NLGN1: variants seen among roughly 807,000 people sequenced by gnomAD.
The protein encoded by NLGN1 is neuroligin 1.
A neutral mutation model predicts 65.5 loss-of-function variants in NLGN1; 12 were observed. That is an observed-to-expected ratio of 0.18 (90% CI 0.12 to 0.30). The LOEUF is 0.30. NLGN1 is among the 10% of genes least tolerant of loss of function. The pLI is 1.00. For missense variants in NLGN1, 750 were observed against 1,007.1 expected (o/e 0.74, Z 3.46); for synonymous variants, 350 against 359.5 (o/e 0.97, Z 0.30).
chr3:174,019,932 A>G (rs1256337926), intron 4 of NLGN1, among the ~76,000 whole-genome samples: 3 of 152,120 alleles, frequency 2.0e-5, no homozygotes, highest in African/African-American at 4.8e-5. Context: ...ACAAGATTGT[A>G]TGATTAATTT....
intron 1 of NLGN1, among the ~76,000 whole-genome samples, chr3:173,417,467 A>G (rs986083854): frequency 1.3e-5 from 2 of 151,920 alleles, no homozygotes; most frequent in Non-Finnish European, 2.9e-5. Context: ...TGAATCATAT[A>G]AGCATTTTTA....
chr3:173,962,674 G>A (rs1713876510), intron 4 of NLGN1, among the ~76,000 whole-genome samples: 1 of 152,026 alleles, frequency 6.6e-6, no homozygotes, highest in Admixed American at 6.6e-5. Context: ...TAATAAGCTA[G>A]GAAATTCTCT....
chr3:173,761,758 T>A (rs1185699357), intron 3 of NLGN1, among the ~76,000 whole-genome samples: 1 of 152,112 alleles, frequency 6.6e-6, no homozygotes, highest in East Asian at 1.9e-4. Flanking sequence ...ATGCGTTGGA[T>A]GCTCTTTTTG....
chr3:173,697,735 G>T (rs1766442621), intron 3 of NLGN1, among the ~76,000 whole-genome samples: 1 of 152,014 alleles, frequency 6.6e-6, no homozygotes, highest in African/African-American at 2.4e-5. Context: ...TCTCTGTGTT[G>T]GTCAGGCTGG....
At chr3:173,698,455 C>T (rs1262278464) in intron 3 of NLGN1, among the ~76,000 whole-genome samples, 3 of 152,100 alleles carry the variant, frequency 2.0e-5, no homozygotes, top group East Asian at 1.9e-4. Flanking sequence ...TGCATTTATG[C>T]GCCTTCTACT....
intron 3 of NLGN1, among the ~76,000 whole-genome samples, chr3:173,773,977 G>A (rs779866678): frequency 4.6e-5 from 7 of 152,144 alleles, no homozygotes; most frequent in East Asian, 1.9e-4. Flanking sequence ...TAGCACACCC[G>A]AAGTCATAAG....
Position 173,598,777 on chromosome 3 carries a change from T to C in NLGN1, c.-320-5502T>C, listed in dbSNP as rs1318420549. Among the ~76,000 whole-genome samples, 3 of 152,168 alleles carry C rather than the reference T, an allele frequency of 2.0e-5. No individual in the cohort carries two copies. In the East Asian group the frequency reaches 5.8e-4, roughly 29 times the overall value. ...AATAAGACTTTGAGATGAAGGTTTG[T>C]CTACAAGAAGTTTCCTGGGATGTGC... On this transcript the variant is annotated intron_variant, in intron 2 of 6. Coordinates refer to ENST00000457714, the Ensembl canonical transcript of NLGN1.
chr3:173,646,048 T>C (rs1415296412), intron 3 of NLGN1, among the ~76,000 whole-genome samples: 3 of 152,186 alleles, frequency 2.0e-5, no homozygotes, highest in Non-Finnish European at 4.4e-5. Context: ...CGCTTTTGGC[T>C]CTGCCCCCTA....
chr3:173,510,293 A>C (rs899105176), intron 2 of NLGN1, among the ~76,000 whole-genome samples: 12 of 152,180 alleles, frequency 7.9e-5, no homozygotes, highest in Middle Eastern at 3.2e-3. Context: ...TTAACTTAAT[A>C]CTGCACTCTT....
chr3:174,090,163 G>GA (rs1178424655), intron 4 of NLGN1, among the ~76,000 whole-genome samples: 1 of 151,956 alleles, frequency 6.6e-6, no homozygotes, highest in Non-Finnish European at 1.5e-5. Context: ...ATTTTAAATA[G>GA]AAAAAAGAAA....
At chr3:173,449,580 C>T (rs1483938652) in intron 2 of NLGN1, among the ~76,000 whole-genome samples, 27 of 151,952 alleles carry the variant, frequency 1.8e-4, no homozygotes, top group East Asian at 3.9e-4. Flanking sequence ...CTATTAGGTC[C>T]GCTTGGTGCA....
At chr3:173,434,161 T>G (rs1717683418) in intron 1 of NLGN1, among the ~76,000 whole-genome samples, 1 of 152,194 alleles carries the variant, frequency 6.6e-6, no homozygotes, top group Middle Eastern at 3.2e-3. Context: ...AACTATGTGT[T>G]ATAGTTTATA....
At chr3:174,164,720 G>A (rs1189122962) in intron 4 of NLGN1, among the ~76,000 whole-genome samples, 4 of 151,996 alleles carry the variant, frequency 2.6e-5, no homozygotes, top group African/African-American at 4.8e-5. Context: ...TGGTCTAAGT[G>A]TCTTGTTTTT....
intron 4 of NLGN1, among the ~76,000 whole-genome samples, chr3:173,959,671 CATTTA>C (rs1579424345): frequency 6.6e-6 from 1 of 152,250 alleles, no homozygotes; most frequent in South Asian, 2.1e-4. Flanking sequence ...GTTACTATGT[CATTTA>C]ATTTAAGTTA....
At chr3:173,537,888 A>C (rs1329877876) in intron 2 of NLGN1, among the ~76,000 whole-genome samples, 1 of 152,180 alleles carries the variant, frequency 6.6e-6, no homozygotes, top group Non-Finnish European at 1.5e-5. Context: ...TTTGGTAGCC[A>C]GGATCAGTCA....
intron 4 of NLGN1, among the ~76,000 whole-genome samples, chr3:174,032,076 G>A (rs1579889664): frequency 6.6e-6 from 1 of 152,186 alleles, no homozygotes; most frequent in Non-Finnish European, 1.5e-5. Flanking sequence ...ACCAGGCATG[G>A]TGTTAATTAA....
intron 4 of NLGN1, among the ~76,000 whole-genome samples, chr3:174,081,448 G>A (rs2152550296): frequency 6.6e-6 from 1 of 152,226 alleles, no homozygotes; most frequent in African/African-American, 2.4e-5. Flanking sequence ...TCTTCTCATG[G>A]AGTACTAGCA....
chr3:173,462,990 G>A (rs1723659031), intron 2 of NLGN1, among the ~76,000 whole-genome samples: 1 of 152,086 alleles, frequency 6.6e-6, no homozygotes, highest in Non-Finnish European at 1.5e-5. Context: ...CTTTCTTGAG[G>A]ATTATTTGTA....
At chr3:173,474,110 C>CA (rs1322474783) in intron 2 of NLGN1, among the ~76,000 whole-genome samples, 1 of 152,044 alleles carries the variant, frequency 6.6e-6, no homozygotes, top group Non-Finnish European at 1.5e-5. Flanking sequence ...CCTCCTCACC[C>CA]TCTTCAACCT....
Sources: allele counts gnomAD v4.1 joint callset (sites outside exome capture counted in the v4.1 genomes callset), GRCh38; gene constraint gnomAD v4.1.1; transcripts MANE v1.5; gene names NCBI Gene and HGNC (gene_info 2026-07-23, HGNC 2026-07-21).